CDK8: variants seen among roughly 807,000 people sequenced by gnomAD.
CDK8 encodes cyclin-dependent kinase 8.
In CDK8, 29 loss-of-function variants were observed where a neutral mutation model predicts 71.5. The ratio of observed to expected loss-of-function variants is 0.41; its 90% confidence interval spans 0.30 to 0.55. The LOEUF is 0.55. CDK8 is among the 20% of genes least tolerant of loss of function. The probability of loss-of-function intolerance (pLI) is 0.37; values close to 1 mark genes in which losing one functional copy is unlikely to be tolerated. For synonymous variants in CDK8, 161 were observed against 192.1 expected (o/e 0.84, Z 1.34); for missense variants, 288 against 572.6 (o/e 0.50, Z 5.07).
chr13:26,273,337 T>C (rs1325661703), intron 1 of CDK8, among the ~76,000 whole-genome samples: 2 of 152,334 alleles, frequency 1.3e-5, no homozygotes, highest in East Asian at 3.9e-4. Context: ...TTGCCAAGAT[T>C]GTTTTGACTT....
At chr13:26,403,399 G>T (rs1876355214) in intron 12 of CDK8, among the ~76,000 whole-genome samples, 1 of 151,688 alleles carries the variant, frequency 6.6e-6, no homozygotes, top group South Asian at 2.1e-4. Flanking sequence ...TATAATCCTA[G>T]CAATGATTAT....
intron 1 of CDK8, among the ~76,000 whole-genome samples, chr13:26,296,781 A>T (rs938376850): frequency 6.6e-6 from 1 of 152,166 alleles, no homozygotes; most frequent in Admixed American, 6.5e-5. Flanking sequence ...AAAGCACAAG[A>T]GCATGGGGTT....
intron 1 of CDK8, among the ~76,000 whole-genome samples, chr13:26,263,425 C>T (rs1189531641): frequency 2.6e-5 from 4 of 151,986 alleles, no homozygotes; most frequent in Non-Finnish European, 4.4e-5. Context: ...TGAGCCACCG[C>T]GCCCGGCCGG....
intron 7 of CDK8, among the ~76,000 whole-genome samples, chr13:26,395,660 A>C (rs909786355): frequency 1.3e-5 from 2 of 152,176 alleles, no homozygotes; most frequent in African/African-American, 4.8e-5. Flanking sequence ...TTTTGTACTT[A>C]ACGTATTTAG....
At chr13:26,307,283 A>AT (rs1211160918) in intron 1 of CDK8, among the ~76,000 whole-genome samples, 1 of 152,134 alleles carries the variant, frequency 6.6e-6, no homozygotes, top group Non-Finnish European at 1.5e-5. Context: ...GATTATGTAG[A>AT]TTGGCTCTAC....
At chr13:26,329,563 C>T (rs781502566) in intron 1 of CDK8, among the ~76,000 whole-genome samples, 1 of 149,708 alleles carries the variant, frequency 6.7e-6, no homozygotes, top group Admixed American at 6.7e-5. Flanking sequence ...AGTGCAGTGG[C>T]AGGATCTTGG....
chr13:26,276,304 T>C (rs946442240), intron 1 of CDK8, among the ~76,000 whole-genome samples: 1 of 152,226 alleles, frequency 6.6e-6, no homozygotes, highest in African/African-American at 2.4e-5. Context: ...CCTAATATTA[T>C]TAGATTTGGG....
intron 4 of CDK8, among the ~76,000 whole-genome samples, chr13:26,362,995 T>G (rs946457987): frequency 2.2e-4 from 1 of 4,586 alleles, no homozygotes; most frequent in Non-Finnish European, 2.2e-3. Context: ...TCATTGTAGT[T>G]TTTTTTTTTT....
intron 4 of CDK8, among the ~76,000 whole-genome samples, chr13:26,360,910 T>G (rs1874109378): frequency 6.6e-6 from 1 of 152,172 alleles, no homozygotes; most frequent in African/African-American, 2.4e-5. Context: ...TCCTTTCAGC[T>G]GCTTCCCTCT....
chr13:26,271,806 C>CTTA (rs1872334325), intron 1 of CDK8, among the ~76,000 whole-genome samples: 1 of 62,684 alleles, frequency 1.6e-5, no homozygotes, highest in African/African-American at 8.7e-5. Flanking sequence ...GAGACCCTGT[C>CTTA]TTTTTTTTTT....
chr13:26,300,995 TTTG>T (rs1873800293), intron 1 of CDK8, among the ~76,000 whole-genome samples: 1 of 152,114 alleles, frequency 6.6e-6, no homozygotes, highest in Non-Finnish European at 1.5e-5. Context: ...TTGTGGTGAT[TTTG>T]TTTTTTGTTT....
At chr13:26,296,021 T>C (rs1873544143) in intron 1 of CDK8, among the ~76,000 whole-genome samples, 1 of 152,112 alleles carries the variant, frequency 6.6e-6, no homozygotes, top group African/African-American at 2.4e-5. Context: ...CACAGACGGA[T>C]ACTAAAAAAA....
chr13:26,313,418 C>A (rs77184232), intron 1 of CDK8, among the ~76,000 whole-genome samples: 1,634 of 152,238 alleles, frequency 0.011, 62 homozygotes, highest in South Asian at 0.076. Flanking sequence ...ACTTTCATGT[C>A]GAGTTGAATG....
At position 26,314,245 on chromosome 13, in the gene CDK8, C is replaced by T. The variant is rs142115266; in HGVS notation, c.129-23322C>T. Among the ~76,000 whole-genome samples the T allele has an allele frequency of 9.3e-4, 141 of 152,146 alleles. 1 individual carries two copies. The highest frequency in any genetic ancestry group is 3.3e-3 in the African/African-American group (136 of 41,524). On this transcript the variant is annotated intron_variant, in intron 1 of 12. Coordinates refer to ENST00000381527, the MANE Select transcript of CDK8 (RefSeq NM_001260.3). ...GATTTTATTTTGGTGATAAGTCTTA[C>T]GAAATAATTTTGTCTAAATTGTCCT...
chr13:26,363,549 A>G (rs903131530), intron 4 of CDK8, among the ~76,000 whole-genome samples: 7 of 151,712 alleles, frequency 4.6e-5, no homozygotes, highest in Non-Finnish European at 8.8e-5. Flanking sequence ...TTTGGTAGAG[A>G]TGAGGTCTTG....
At chr13:26,258,643 T>C (rs1871634771) in intron 1 of CDK8, among the ~76,000 whole-genome samples, 1 of 152,120 alleles carries the variant, frequency 6.6e-6, no homozygotes, top group Admixed American at 6.5e-5. Flanking sequence ...CTTGGGCAAG[T>C]CATTTGCCCT....
intron 1 of CDK8, among the ~76,000 whole-genome samples, chr13:26,291,257 T>A (rs1873286373): frequency 6.6e-6 from 1 of 152,220 alleles, no homozygotes; most frequent in South Asian, 2.1e-4. Context: ...TACAGTAGGC[T>A]ATACCATCTA....
chr13:26,358,859 A>T (rs1208217560), intron 4 of CDK8: 2 of 167,638 alleles, frequency 1.2e-5, no homozygotes, highest in African/African-American at 4.8e-5. Context: ...GTGAAACCTC[A>T]TATCCACAAA....
At chr13:26,315,833 A>G (rs1874484565) in intron 1 of CDK8, among the ~76,000 whole-genome samples, 1 of 152,242 alleles carries the variant, frequency 6.6e-6, no homozygotes, top group Admixed American at 6.5e-5. Flanking sequence ...GGAAGATGGC[A>G]GAGTAGGAAG....
Sources: gnomAD v4.1 joint callset for allele counts (sites outside exome capture counted in the v4.1 genomes callset) on GRCh38, gnomAD v4.1.1 for gene constraint, MANE v1.5 for transcripts, NCBI Gene and HGNC (gene_info 2026-07-23, HGNC 2026-07-21) for gene names.